SUSD6: variants seen among roughly 807,000 people sequenced by gnomAD.
The protein encoded by SUSD6 is sushi domain-containing protein 6.
Under a neutral mutation model 28.4 loss-of-function variants are expected in SUSD6, and 16 were observed. The observed-to-expected ratio is 0.56, with a 90% CI of 0.38 to 0.86. SUSD6 has a LOEUF of 0.86. Among genes scored for constraint, SUSD6 ranks in the 40% least tolerant of loss-of-function variants. SUSD6 has a pLI of 0.00. For synonymous variants in SUSD6, 147 were observed against 159.6 expected (o/e 0.92, Z 0.59); for missense variants, 341 against 384.2 (o/e 0.89, Z 0.94).
At chr14:69,685,340 A>G (rs1886058000) in intron 2 of SUSD6, among the ~76,000 whole-genome samples, 1 of 152,206 alleles carries the variant, frequency 6.6e-6, no homozygotes, top group Non-Finnish European at 1.5e-5. Context: ...TTGTGCTACT[A>G]ATATTATTCC....
chr14:69,651,102 T>C (rs1315628543), intron 1 of SUSD6, among the ~76,000 whole-genome samples: 1 of 152,208 alleles, frequency 6.6e-6, no homozygotes, highest in East Asian at 1.9e-4. Flanking sequence ...TTGGGGATCA[T>C]CCAGGTTCAC....
In SUSD6 at chr14:69,705,569, A is replaced by G. The variant is rs1049978440; in HGVS notation, c.458+827A>G. ...CTCCTGGTTCCCAGTCCCGGCTGCA[A>G]TATAGAGGCACCTGGGGGAGTTTAA... is the stretch of plus-strand genomic sequence containing the variant. On this transcript the variant is annotated intron_variant, in intron 4 of 5. Transcript: ENST00000342745. 2.6e-5 allele frequency among the ~76,000 whole-genome samples: 4 copies of G among 152,318 alleles called. No individual in the cohort carries two copies. The East Asian group carries it at 5.8e-4, about 22-fold the overall frequency.
intron 2 of SUSD6, among the ~76,000 whole-genome samples, chr14:69,666,012 A>G (rs1885734488): frequency 1.3e-5 from 2 of 152,232 alleles, no homozygotes; most frequent in South Asian, 4.1e-4. Context: ...AGATCCTAGC[A>G]CCAATTGATA....
At chr14:69,675,857 G>C (rs1288645479) in intron 2 of SUSD6, among the ~76,000 whole-genome samples, 2 of 152,298 alleles carry the variant, frequency 1.3e-5, no homozygotes, top group East Asian at 1.9e-4. Flanking sequence ...GCCTGAAGCT[G>C]TTCTCCCACC....
chr14:69,700,366 T>G (rs1019266711), intron 2 of SUSD6, among the ~76,000 whole-genome samples: 1 of 152,228 alleles, frequency 6.6e-6, no homozygotes, highest in South Asian at 2.1e-4. Context: ...TAGTCCATCT[T>G]ATATCAAATT....
intron 1 of SUSD6, among the ~76,000 whole-genome samples, chr14:69,650,378 G>A (rs1885486048): frequency 6.6e-6 from 1 of 152,042 alleles, no homozygotes; most frequent in Non-Finnish European, 1.5e-5. Context: ...GTTTACAGAC[G>A]GCGACTGTAC....
intron 2 of SUSD6, among the ~76,000 whole-genome samples, chr14:69,677,934 C>A (rs2139628686): frequency 6.6e-6 from 1 of 152,290 alleles, no homozygotes; most frequent in Admixed American, 6.5e-5. Flanking sequence ...CGAGTGTAAT[C>A]ACACATGGAT....
intron 2 of SUSD6, among the ~76,000 whole-genome samples, chr14:69,700,426 C>T (rs1566607049): frequency 6.6e-6 from 1 of 152,166 alleles, no homozygotes; most frequent in Non-Finnish European, 1.5e-5. Context: ...CCTTCAGCGG[C>T]TCCCCCTTTT....
At chr14:69,628,686 C>A (rs1263578933) in intron 1 of SUSD6, among the ~76,000 whole-genome samples, 2 of 150,312 alleles carry the variant, frequency 1.3e-5, no homozygotes, top group Non-Finnish European at 2.9e-5. Context: ...GGAACTAGAA[C>A]CAAGGTTGGA....
At chr14:69,645,712 C>T (rs1160313275) in intron 1 of SUSD6, among the ~76,000 whole-genome samples, 1 of 152,008 alleles carries the variant, frequency 6.6e-6, no homozygotes, top group Non-Finnish European at 1.5e-5. Flanking sequence ...TTTTCACTCC[C>T]TTCCCCAAAT....
At chr14:69,693,191 G>A (rs1480192639) in intron 2 of SUSD6, among the ~76,000 whole-genome samples, 5 of 152,122 alleles carry the variant, frequency 3.3e-5, no homozygotes, top group Admixed American at 2.0e-4. Flanking sequence ...AGTGGCTTTG[G>A]GCACTGAGTG....
At chr14:69,667,428 G>C (rs1320636320) in intron 2 of SUSD6, among the ~76,000 whole-genome samples, 1 of 141,106 alleles carries the variant, frequency 7.1e-6, no homozygotes, top group Non-Finnish European at 1.5e-5. Flanking sequence ...CCAGGCTGGA[G>C]TGCAGTGGTG....
chr14:69,689,416 A>G (rs1178089177), intron 2 of SUSD6, among the ~76,000 whole-genome samples: 1 of 152,226 alleles, frequency 6.6e-6, no homozygotes, highest in African/African-American at 2.4e-5. Context: ...ATGGGTAAAT[A>G]TAATCCTTAC....
chr14:69,633,117 G>T (rs1454461592), intron 1 of SUSD6, among the ~76,000 whole-genome samples: 1 of 152,222 alleles, frequency 6.6e-6, no homozygotes, highest in Non-Finnish European at 1.5e-5. Flanking sequence ...AATATAGGAG[G>T]CCTTTAGGAA....
At chr14:69,650,581 C>G (rs1206528311) in intron 1 of SUSD6, among the ~76,000 whole-genome samples, 2 of 152,140 alleles carry the variant, frequency 1.3e-5, no homozygotes, top group Non-Finnish European at 2.9e-5. Context: ...AAGGGGTTTC[C>G]TACCTTCAGG....
At chr14:69,613,785 A>C (rs1044723929) in intron 1 of SUSD6, among the ~76,000 whole-genome samples, 7 of 152,218 alleles carry the variant, frequency 4.6e-5, no homozygotes, top group African/African-American at 7.2e-5. Context: ...TGGATACTGT[A>C]GTAGAAATGG....
chr14:69,645,047 T>G (rs1167102392), intron 1 of SUSD6, among the ~76,000 whole-genome samples: 1 of 152,206 alleles, frequency 6.6e-6, no homozygotes, highest in Non-Finnish European at 1.5e-5. Context: ...TACAGGAAGC[T>G]TGGGTAATTT....
chr14:69,649,108 T>C (rs560298664), intron 1 of SUSD6, among the ~76,000 whole-genome samples: 57 of 152,314 alleles, frequency 3.7e-4, no homozygotes, highest in African/African-American at 1.3e-3. Flanking sequence ...AAAACCTTCT[T>C]TGGGGCCCTA....
chr14:69,684,629 C>G (rs1886045216), intron 2 of SUSD6, among the ~76,000 whole-genome samples: 1 of 152,266 alleles, frequency 6.6e-6, no homozygotes. Flanking sequence ...CCCCAAGTGC[C>G]TTGGCACAGA....
Sources: gnomAD v4.1 joint callset for allele counts (sites outside exome capture counted in the v4.1 genomes callset) on GRCh38, gnomAD v4.1.1 for gene constraint, MANE v1.5 for transcripts, NCBI Gene and HGNC (gene_info 2026-07-23, HGNC 2026-07-21) for gene names.